Variants in FTSJ3 observed in about 807,000 individuals in gnomAD.
The protein encoded by FTSJ3 is FtsJ RNA 2'-O-methyltransferase 3.
A neutral mutation model predicts 111.5 loss-of-function variants in FTSJ3; 46 were observed. That is an observed-to-expected ratio of 0.41 (90% confidence interval 0.33 to 0.53). The LOEUF is 0.53. FTSJ3 is among the 20% of genes least tolerant of loss of function. FTSJ3 has a pLI of 0.19. For synonymous variants in FTSJ3, 408 were observed against 383.0 expected, an observed-to-expected ratio of 1.07 and a Z score of -0.76; for missense variants, 1,075 against 1,063.8, an observed-to-expected ratio of 1.01 and a Z score of -0.15.
chr17:63,819,635 C>CCT lies in FTSJ3; in HGVS notation c.*165_*166dup. ...CTTCAGGCAGGCAGGAGGACATCCTCCTCTCTGCTCAGGACCACCACGGGA... is the reference window on the plus strand; with the variant it reads ...CTTCAGGCAGGCAGGAGGACATCCTCCTCTCTCTGCTCAGGACCACCACGGGA... On this transcript the variant is annotated 3_prime_UTR_variant, in exon 21 of 21. Transcript: ENST00000427159. 1.6e-6 allele frequency: 1 copy of CCT among 628,520 alleles called. No individual in the cohort carries two copies. The highest frequency in any genetic ancestry group is 2.1e-5 in the South Asian group (1 of 47,554). 38.9% of individuals were successfully genotyped at this position (628,520 alleles called of 1,614,324 possible).
rs1222716681 is a variant in FTSJ3, at chr17:63,819,754, A to C, written c.*48T>G. Reference sequence around the variant, plus strand: ...AGGGGGCCAGACTGAGCCATGCCACACCCTTCCTCCTAGTCCCCATGCTCT... The same window carrying C: ...AGGGGGCCAGACTGAGCCATGCCACCCCCTTCCTCCTAGTCCCCATGCTCT... On this transcript the variant is annotated 3_prime_UTR_variant, in exon 21 of 21. Transcript: ENST00000427159. 1 of 1,542,596 alleles carries C rather than the reference A, an allele frequency of 6.5e-7. No individual in the cohort carries two copies. The highest frequency in any genetic ancestry group is 8.8e-7 in the Non-Finnish European group (1 of 1,135,536).
chr17:63,827,475 C>T lies in FTSJ3; in HGVS notation c.-450G>A, dbSNP rs750869186. 4 of 1,551,734 alleles carry T rather than the reference C, an allele frequency of 2.6e-6. No individual in the cohort carries two copies. The highest frequency in any genetic ancestry group is 2.7e-5 in the African/African-American group (2 of 73,198). ...AAGACGGCTCGGATGCCGGCGGTCT[C>T]TGCTGAAGAGAGAAGATGGCGCTTG... On this transcript the variant is annotated 5_prime_UTR_variant, in exon 1 of 21. Coordinates refer to ENST00000427159, the MANE Select transcript of FTSJ3 (RefSeq NM_017647.4).
At chr17:63,824,448 C>T (rs1403372023) in intron 10 of FTSJ3, 37 bp from the exon 11 acceptor site, 6 of 1,602,362 alleles carry the variant, frequency 3.7e-6, no homozygotes, top group Admixed American at 1.7e-5. Context: ...TTGCCATCTC[C>T]CTCTTTGTCC....
chr17:63,824,028 A>G (rs769763621), intron 12 of FTSJ3, 56 bp downstream of exon 12: 4 of 1,613,380 alleles, frequency 2.5e-6, no homozygotes, highest in Admixed American at 3.3e-5. Flanking sequence ...TTCTTCTCCC[A>G]TCTTCACACA....
intron 14 of FTSJ3, 45 bp from the exon 15 acceptor site, chr17:63,821,888 C>T (rs1409846918): frequency 2.5e-6 from 4 of 1,613,812 alleles, no homozygotes; most frequent in Middle Eastern, 1.6e-4. Flanking sequence ...CCCAGATTGC[C>T]TGGAGCCCTT....
At chr17:63,824,510 TAAATC>T (rs1203305355) in intron 10 of FTSJ3, 99 bp from the exon 11 acceptor site, 19 of 1,481,140 alleles carry the variant, frequency 1.3e-5, no homozygotes, top group Non-Finnish European at 1.8e-5. Flanking sequence ...TTCGGCTACA[TAAATC>T]AAAAGGCTCA....
Position 63,827,476 on chromosome 17 carries a change from T to C in FTSJ3, c.-451A>G, listed in dbSNP as rs758540902. On this transcript the variant is annotated 5_prime_UTR_variant, in exon 1 of 21. Transcript: ENST00000427159. ...AGACGGCTCGGATGCCGGCGGTCTC[T>C]GCTGAAGAGAGAAGATGGCGCTTGA... 4 of 1,551,716 alleles carry C rather than the reference T, an allele frequency of 2.6e-6. No homozygotes were observed. The African/African-American group carries it at 4.1e-5, about 16-fold the overall frequency.
chr17:63,819,493 C>A lies in FTSJ3; in HGVS notation c.*309G>T, dbSNP rs2040024706. On this transcript the variant is annotated 3_prime_UTR_variant, in exon 21 of 21. Transcript: ENST00000427159. Reference sequence around the variant, plus strand: ...GGGTGGGGAGGGCTTAAGTGGCCCACACGTCCAGGTGTAGACTGACTACAT... The same window carrying A: ...GGGTGGGGAGGGCTTAAGTGGCCCAAACGTCCAGGTGTAGACTGACTACAT... 1 of 288,862 alleles carries A rather than the reference C, an allele frequency of 3.5e-6. No homozygotes were observed. The highest frequency in any genetic ancestry group is 2.2e-5 in the African/African-American group (1 of 46,482). 17.9% of individuals were successfully genotyped at this position (288,862 alleles called of 1,614,324 possible).
intron 19 of FTSJ3, 35 bp from the exon 20 acceptor site, chr17:63,820,208 T>TTCCCCCCCCCC: frequency 2.0e-5 from 14 of 694,888 alleles, no homozygotes; most frequent in South Asian, 9.3e-5. Context: ...CTCTTCCCCA[T>TTCCCCCCCCCC]CCCCCCACCC....
At position 63,821,613 on chromosome 17, in the gene FTSJ3, C is replaced by T. The variant is rs747680587; in HGVS notation, c.1627G>A (p.Asp543Asn). 2.0e-5 allele frequency: 32 copies of T among 1,613,244 alleles called. No homozygotes were observed. The highest frequency in any genetic ancestry group is 1.8e-4 in the East Asian group (8 of 44,872). ...GSFAGIEDDA[D>N]EALEISQAQL... ...GCCTGACTGATCTCCAGGGCCTCAT[C>T]GGCATCGTCCTCGATCCCAGCAAAG... The change falls in exon 16 of 21, where the codon GAT becomes AAT. Residue 543 changes from aspartate to asparagine, a missense_variant. This residue lies in a region of FTSJ3 where 867 missense variants were observed against 796.9 expected (regional missense o/e 1.09). Transcript: ENST00000427159.
At chr17:63,825,730 G>T in intron 5 of FTSJ3, 95 bp from the exon 6 acceptor site, 1 of 1,067,930 alleles carries the variant, frequency 9.4e-7, no homozygotes, top group East Asian at 2.4e-5. Flanking sequence ...TGCCCATCAT[G>T]GGCCAAATGC....
chr17:63,819,805 CT>C lies in FTSJ3; in HGVS notation c.2540del (p.Lys847SerfsTer27). On this transcript the variant is annotated frameshift_variant, in exon 21 of 21. Transcript: ENST00000427159. LOFTEE classifies it high-confidence loss of function. ...CCTGGGAGCCTGGCAGCTCTGCTTA[CT>C]TCCGTTTGTGTTTTTTCTTTTGTTC... ...RKEQKKKHKR[K>X] 6.2e-7 allele frequency: 1 copy of C among 1,612,010 alleles called. No homozygotes were observed. Among genetic ancestry groups the C allele is most frequent in the Non-Finnish European group, 8.5e-7 (1 of 1,178,788 alleles).
Position 63,827,359 on chromosome 17 carries a change from T to A in FTSJ3, c.-334A>T, listed in dbSNP as rs1231311205. On this transcript the variant is annotated 5_prime_UTR_variant, in exon 1 of 21. Transcript: ENST00000427159. The stretch of plus-strand genomic sequence containing the variant: ...GCCCCTCCCATCATGGTTCCCTTAG[T>A]GTGGTCTCGCCGCACACCCCGCCCA... 1 of 1,248,050 alleles carries A rather than the reference T, an allele frequency of 8.0e-7. No homozygotes were observed. The highest frequency in any genetic ancestry group is 2.0e-5 in the Admixed American group (1 of 48,900). The allele number at this position is 1,248,050 out of a possible 1,614,324, so 77.3% of individuals were successfully genotyped here.
chr17:63,825,754 G>T lies in FTSJ3; in HGVS notation c.301-119C>A, dbSNP rs1289238988. The T allele has an allele frequency of 2.3e-5, 19 of 811,594 alleles. No individual in the cohort carries two copies. In the South Asian group the frequency reaches 2.8e-4, roughly 12 times the overall value. The allele number at this position is 811,594 out of a possible 1,614,324, so 50.3% of individuals were successfully genotyped here. On this transcript the variant is annotated intron_variant, in intron 5 of 20. Transcript: ENST00000427159. ...TGGGCCAAATGCAGTACCAGGCACA[G>T]GAGATACAATAGTAAACAAAAACAG...
At chr17:63,824,951 G>T (rs769179453) in intron 8 of FTSJ3, 22 bp from the exon 9 acceptor site, 2 of 1,573,124 alleles carry the variant, frequency 1.3e-6, no homozygotes, top group Admixed American at 1.8e-5. Flanking sequence ...AAAGAGAGAA[G>T]CTTGGTCAGG....
rs1315045190 is a variant in FTSJ3, at chr17:63,821,437, T to A, written c.1803A>T (p.Thr601=). The change falls in exon 16 of 21, where the codon ACA becomes ACT. Residue 601 remains threonine (T), a synonymous_variant. Transcript: ENST00000427159. The part of the protein sequence containing the change: ...APKGTEASSG[T]EAATGLEGEE... ...CCCCTTCAAGGCCAGTGGCAGCTTC[T>A]GTCCCCGAAGAAGCCTCTGTTCCCT... The A allele has an allele frequency of 6.2e-7, 1 of 1,614,206 alleles. No homozygotes were observed. The highest frequency in any genetic ancestry group is 8.5e-7 in the Non-Finnish European group (1 of 1,180,034).
At chr17:63,825,711 T>C (rs1690840986) in intron 5 of FTSJ3, 76 bp from the exon 6 acceptor site, 1 of 1,341,758 alleles carries the variant, frequency 7.5e-7, no homozygotes, top group Admixed American at 1.8e-5. Flanking sequence ...CATCTAGTCA[T>C]TTGCTGAGTG....
chr17:63,822,234 C>T (rs1459299770), intron 13 of FTSJ3, 66 bp from the exon 14 acceptor site: 1 of 1,370,360 alleles, frequency 7.3e-7, no homozygotes, highest in Non-Finnish European at 1.0e-6. Context: ...TTTCTGTGTC[C>T]CTCACCTCAG....
At chr17:63,826,539 G>T in intron 3 of FTSJ3, 28 bp downstream of exon 3, 2 of 1,582,056 alleles carry the variant, frequency 1.3e-6, no homozygotes, top group South Asian at 1.1e-5. Context: ...GCGGCCACCA[G>T]GAGCAACCTG....
Sources: allele counts gnomAD v4.1 joint callset, GRCh38; gene constraint gnomAD v4.1.1; regional missense constraint gnomAD v4.1.1; transcripts MANE v1.5; gene names NCBI Gene and HGNC (gene_info 2026-07-23, HGNC 2026-07-21).